CPSF4: variants seen among roughly 807,000 people sequenced by gnomAD.
CPSF4 encodes cleavage and polyadenylation specificity factor subunit 4.
CPSF4 carries 11 observed loss-of-function variants against 37.7 expected under a neutral mutation model. The ratio of observed to expected loss-of-function variants is 0.29; its 90% CI spans 0.18 to 0.48. The LOEUF is 0.48. CPSF4 is among the 20% of genes least tolerant of loss of function. The pLI is 0.99. For missense variants in CPSF4, 144 were observed against 359.5 expected, an observed-to-expected ratio of 0.40 and a Z score of 4.85; for synonymous variants, 132 against 135.9, an observed-to-expected ratio of 0.97 and a Z score of 0.20.
chr7:99,445,104 G>T (rs561206674), intron 2 of CPSF4, among the ~76,000 whole-genome samples: 1 of 152,204 alleles, frequency 6.6e-6, no homozygotes, highest in Non-Finnish European at 1.5e-5. Flanking sequence ...ATGGAGAGAA[G>T]CCCCCAGCAT....
intron 7 of CPSF4, among the ~76,000 whole-genome samples, chr7:99,455,710 A>C (rs966700129): frequency 6.6e-6 from 1 of 152,046 alleles, no homozygotes; most frequent in Non-Finnish European, 1.5e-5. Flanking sequence ...GAGTAAAGAG[A>C]AGCTATGGAA....
chr7:99,447,890 G>A lies in CPSF4; in HGVS notation c.155-231G>A, dbSNP rs973697536. On this transcript the variant is annotated intron_variant, in intron 2 of 7. Coordinates refer to ENST00000292476, the MANE Select transcript of CPSF4 (RefSeq NM_006693.4). ...CTTCCAAAGTGCTGGGATTACCAGC[G>A]TGATCCACTGCGCCCGGCCATGAGT... 7 of 579,966 alleles carry A rather than the reference G, an allele frequency of 1.2e-5. 1 individual carries two copies. Among genetic ancestry groups the A allele is most frequent in the South Asian group, 6.4e-5 (4 of 62,740 alleles). 35.9% of individuals were successfully genotyped at this position (579,966 alleles called of 1,614,324 possible).
intron 3 of CPSF4, chr7:99,449,114 G>A (rs1281667261): frequency 6.6e-6 from 1 of 152,398 alleles, no homozygotes; most frequent in Non-Finnish European, 1.5e-5. Flanking sequence ...CTCTGGTCCT[G>A]TGCAGGGAGC....
chr7:99,452,657 C>G, intron 6 of CPSF4: 1 of 559,640 alleles, frequency 1.8e-6, no homozygotes, highest in South Asian at 2.0e-5. Flanking sequence ...CAAGGCCAAG[C>G]GCAGCAGCAG....
intron 7 of CPSF4, among the ~76,000 whole-genome samples, chr7:99,454,665 G>C (rs1421068866): frequency 6.6e-6 from 1 of 152,190 alleles, no homozygotes. Flanking sequence ...AAAATCTCTT[G>C]ATAGTTTGAC....
chr7:99,442,524 C>T (rs1344297277), intron 1 of CPSF4, among the ~76,000 whole-genome samples: 2 of 151,382 alleles, frequency 1.3e-5, no homozygotes, highest in African/African-American at 2.4e-5. Flanking sequence ...GGCAAGGTGG[C>T]GGGTGCCTGT....
At chr7:99,444,492 C>T (rs1434811858) in intron 1 of CPSF4, among the ~76,000 whole-genome samples, 3 of 152,048 alleles carry the variant, frequency 2.0e-5, no homozygotes, top group African/African-American at 7.2e-5. Context: ...ATCTCGTACT[C>T]CAGCCTTCCT....
Position 99,453,213 on chromosome 7 carries a change from A to G in CPSF4, c.571-753A>G, listed in dbSNP as rs1251860630. 1.3e-5 allele frequency: 2 copies of G among 152,482 alleles called. No individual in the cohort carries two copies. Among genetic ancestry groups the G allele is most frequent in the Non-Finnish European group, 2.9e-5 (2 of 68,280 alleles). The allele number at this position is 152,482 out of a possible 1,614,324, so 9.4% of individuals were successfully genotyped here. A position where few individuals can be genotyped will look rare whatever the true frequency, so the allele number is the denominator to read the frequency against. On this transcript the variant is annotated intron_variant, in intron 6 of 7. Coordinates refer to ENST00000292476, the MANE Select transcript of CPSF4 (RefSeq NM_006693.4). The surrounding 1 kb of genome is among the most constrained non-coding windows in gnomAD (Gnocchi z 4.7). Reference sequence around the variant, plus strand: ...CAAGCCCAACCACCTCCTGAGCCCAATGCCTCACCTCCTACCCTGCTGGGC... The same window carrying G: ...CAAGCCCAACCACCTCCTGAGCCCAGTGCCTCACCTCCTACCCTGCTGGGC...
Position 99,439,077 on chromosome 7 carries a change from G to C in CPSF4, c.-6G>C, listed in dbSNP as rs773892901. ...GAGCCGGGCCGGTGGGGCCGCCGCC[G>C]CCGCCATGCAGGAAATCATCGCCAG... On this transcript the variant is annotated 5_prime_UTR_variant, in exon 1 of 8. Coordinates refer to ENST00000292476, the MANE Select transcript of CPSF4 (RefSeq NM_006693.4). 5.6e-6 allele frequency: 9 copies of C among 1,605,610 alleles called. No homozygotes were observed. In the African/African-American group the frequency reaches 1.2e-4, roughly 21 times the overall value.
chr7:99,450,233 GC>G (rs1313501280), intron 3 of CPSF4, 42 bp from the exon 4 acceptor site: 4 of 1,509,470 alleles, frequency 2.6e-6, no homozygotes. Context: ...GGTGGGCCTG[GC>G]CCCGGCCTTC....
At chr7:99,445,321 C>T (rs533728343) in intron 2 of CPSF4, among the ~76,000 whole-genome samples, 2 of 151,986 alleles carry the variant, frequency 1.3e-5, no homozygotes, top group East Asian at 1.9e-4. Flanking sequence ...TACTGAGGTG[C>T]GAGAATCCCT....
intron 1 of CPSF4, among the ~76,000 whole-genome samples, chr7:99,440,693 T>TTTTTTTTTTTG (rs1796896866): frequency 7.3e-6 from 1 of 137,214 alleles, no homozygotes; most frequent in African/African-American, 2.8e-5. Flanking sequence ...TTTTTTTTTT[T>TTTTTTTTTTTG]CCTGCCTGTC....
intron 1 of CPSF4, 185 bp downstream of exon 1, chr7:99,439,370 G>C (rs1342574033): frequency 3.9e-6 from 2 of 514,458 alleles, no homozygotes; most frequent in Admixed American, 4.0e-5. Flanking sequence ...CACCTCCTCC[G>C]GGTCCTGGGA....
chr7:99,450,401 C>A (rs746138054), intron 4 of CPSF4, 30 bp downstream of exon 4: 3 of 1,512,872 alleles, frequency 2.0e-6, no homozygotes, highest in Non-Finnish European at 2.7e-6. Context: ...GGGCCCCGGG[C>A]AAGAAGCCAG....
At chr7:99,455,932 G>T (rs1798275901) in intron 7 of CPSF4, among the ~76,000 whole-genome samples, 1 of 152,266 alleles carries the variant, frequency 6.6e-6, no homozygotes, top group Non-Finnish European at 1.5e-5. Context: ...CTCCCCAAGG[G>T]AGGGGAGGCT....
Position 99,448,509 on chromosome 7 carries a change from A to G in CPSF4, c.307+236A>G. 1 of 425,476 alleles carries G rather than the reference A, an allele frequency of 2.4e-6. No homozygotes were observed. Among genetic ancestry groups the G allele is most frequent in the Non-Finnish European group, 4.1e-6 (1 of 243,072 alleles). 26.4% of individuals were successfully genotyped at this position (425,476 alleles called of 1,614,324 possible). On this transcript the variant is annotated intron_variant, in intron 3 of 7. Coordinates refer to ENST00000292476, the MANE Select transcript of CPSF4 (RefSeq NM_006693.4). The surrounding 1 kb of genome is among the most constrained non-coding windows in gnomAD (Gnocchi z 4.4). ...GACATAGGGTCTCGCTATGTTTCAC[A>G]TACTGGTCTTGAACTCCTGGGCTCG... is the stretch of plus-strand genomic sequence containing the variant.
At chr7:99,455,321 G>GT (rs1798233760) in intron 7 of CPSF4, among the ~76,000 whole-genome samples, 1 of 152,144 alleles carries the variant, frequency 6.6e-6, no homozygotes, top group Non-Finnish European at 1.5e-5. Context: ...AGGGTGTGTG[G>GT]TCCCTCCCCC....
At chr7:99,454,222 A>C (rs1798138531) in intron 7 of CPSF4, 86 bp downstream of exon 7, 1 of 1,256,166 alleles carries the variant, frequency 8.0e-7, no homozygotes. Context: ...TGGTGAAATG[A>C]GAAAAATGAA....
At position 99,450,440 on chromosome 7, in the gene CPSF4, G is replaced by T. The variant is rs1362816485; in HGVS notation, c.403+69G>T. On this transcript the variant is annotated intron_variant, in intron 4 of 7. Coordinates refer to ENST00000292476, the MANE Select transcript of CPSF4 (RefSeq NM_006693.4). Reference sequence around the variant, plus strand: ...TCCCTTCTCTGCCCACGACCCTGGAGGCTGCCAGCTGGTCTACCTGTCCCA... The same window carrying T: ...TCCCTTCTCTGCCCACGACCCTGGATGCTGCCAGCTGGTCTACCTGTCCCA... The T allele has an allele frequency of 5.3e-6, 6 of 1,140,782 alleles. No homozygotes were observed. The East Asian group carries it at 7.2e-5, about 14-fold the overall frequency. 70.7% of individuals were successfully genotyped at this position (1,140,782 alleles called of 1,614,324 possible). A position where few individuals can be genotyped will look rare whatever the true frequency, so the allele number is the denominator to read the frequency against.
Sources: gnomAD v4.1 joint callset for allele counts (sites outside exome capture counted in the v4.1 genomes callset) on GRCh38, gnomAD v4.1.1 for gene constraint, Gnocchi (gnomAD v3.1) non-coding constraint, MANE v1.5 for transcripts, NCBI Gene and HGNC (gene_info 2026-07-23, HGNC 2026-07-21) for gene names.